The following DCUN1D5 variants were observed in gnomAD, a reference collection of about 807,000 sequenced individuals.
DCUN1D5 encodes the protein DCN1-like protein 5.
DCUN1D5 carries 10 observed loss-of-function variants against 38.3 expected under a neutral mutation model. The observed-to-expected ratio is 0.26, with a 90% CI of 0.16 to 0.44. The LOEUF (loss-of-function observed/expected upper bound fraction) is 0.44. Among genes scored for constraint, DCUN1D5 ranks in the 20% least tolerant of loss-of-function variants. DCUN1D5 has a pLI of 1.00. For synonymous variants in DCUN1D5, 93 were observed against 90.9 expected, an observed-to-expected ratio of 1.02 and a Z score of -0.13; for missense variants, 148 against 275.3, an observed-to-expected ratio of 0.54 and a Z score of 3.27.
chr11:103,081,567 T>C (rs1046107674), intron 4 of DCUN1D5, among the ~76,000 whole-genome samples: 2 of 152,172 alleles, frequency 1.3e-5, no homozygotes, highest in Non-Finnish European at 2.9e-5. Flanking sequence ...AAAGTAGGAA[T>C]ACAGTATTAG....
At position 103,064,380 on chromosome 11, in the gene DCUN1D5, G is replaced by A. The variant is rs1290712397; in HGVS notation, c.556-3C>T. The A allele has an allele frequency of 3.2e-6, 5 of 1,570,094 alleles. No individual in the cohort carries two copies. The highest frequency in any genetic ancestry group is 4.3e-6 in the Non-Finnish European group (5 of 1,157,616). ...TTCATAACACGATACTTTGATTGCTGCAAAAATGATTTAAATATTTGTATT... is the reference window on the plus strand; with the variant it reads ...TTCATAACACGATACTTTGATTGCTACAAAAATGATTTAAATATTTGTATT... On this transcript the variant is annotated splice_polypyrimidine_tract_variant and splice_region_variant and intron_variant, in intron 6 of 7. Transcript: ENST00000260247. This position sits in a 1 kb window ranked among gnomAD's most constrained non-coding sequence, Gnocchi z 4.5.
intron 4 of DCUN1D5, among the ~76,000 whole-genome samples, chr11:103,074,346 C>G (rs1445663103): frequency 2.0e-5 from 3 of 152,162 alleles, no homozygotes; most frequent in Admixed American, 6.5e-5. Context: ...CCTTAGATAT[C>G]GTAGATCACT....
At chr11:103,068,975 G>A (rs1218972370) in intron 4 of DCUN1D5, among the ~76,000 whole-genome samples, 1 of 152,166 alleles carries the variant, frequency 6.6e-6, no homozygotes, top group Non-Finnish European at 1.5e-5. Flanking sequence ...AGGTTTAAGA[G>A]AGAATGAAAA....
Position 103,064,580 on chromosome 11 carries a change from T to G in DCUN1D5, c.556-203A>C, listed in dbSNP as rs1862088952. On this transcript the variant is annotated intron_variant, in intron 6 of 7. Transcript: ENST00000260247. This position sits in a 1 kb window ranked among gnomAD's most constrained non-coding sequence, Gnocchi z 4.5. Reference sequence around the variant, plus strand: ...TATTTTTTACTTTTTTTTTCATTTTTGAGGAATAATAAGAGCACTGAGTAC... The same window carrying G: ...TATTTTTTACTTTTTTTTTCATTTTGGAGGAATAATAAGAGCACTGAGTAC... Among the ~76,000 whole-genome samples, 1 of 152,180 alleles carries G rather than the reference T, an allele frequency of 6.6e-6. No homozygotes were observed. The highest frequency in any genetic ancestry group is 2.4e-5 in the African/African-American group (1 of 41,454).
chr11:103,062,127 G>A lies in DCUN1D5; in HGVS notation c.*232C>T. 2.2e-6 allele frequency: 1 copy of A among 453,566 alleles called. No homozygotes were observed. The highest frequency in any genetic ancestry group is 3.9e-6 in the Non-Finnish European group (1 of 257,290). The allele number at this position is 453,566 out of a possible 1,614,324, so 28.1% of individuals were successfully genotyped here. A position where few individuals can be genotyped will look rare whatever the true frequency, so the allele number is the denominator to read the frequency against. On this transcript the variant is annotated 3_prime_UTR_variant, in exon 8 of 8. Coordinates refer to ENST00000260247, the MANE Select transcript of DCUN1D5 (RefSeq NM_032299.4). The surrounding 1 kb of genome is among the most constrained non-coding windows in gnomAD (Gnocchi z 4.6). ...GAATCTTTATTGTTCTGAAATAAAT[G>A]TTATAAACATAACTCAAAACAAAAA...
At chr11:103,082,397 G>A (rs1329138716) in intron 4 of DCUN1D5, among the ~76,000 whole-genome samples, 2 of 152,002 alleles carry the variant, frequency 1.3e-5, no homozygotes, top group African/African-American at 2.4e-5. Context: ...GCTGCCCAAC[G>A]AACATACTCC....
rs1413410921 is a variant in DCUN1D5, at chr11:103,057,965, A to G, written c.*4394T>C. Among the ~76,000 whole-genome samples, 1 of 152,196 alleles carries G rather than the reference A, an allele frequency of 6.6e-6. No homozygotes were observed. Among genetic ancestry groups the G allele is most frequent in the Non-Finnish European group, 1.5e-5 (1 of 68,026 alleles). ...AGAAGGATAAAACTTCTAAAAAATG[A>G]TATAATTTGGGGGAAAGCTAAGACA... On this transcript the variant is annotated 3_prime_UTR_variant, in exon 8 of 8. Transcript: ENST00000260247. The surrounding 1 kb of genome is among the most constrained non-coding windows in gnomAD (Gnocchi z 4.8).
At position 103,082,857 on chromosome 11, in the gene DCUN1D5, T is replaced by C; in HGVS notation, c.250-18A>G. ...ATAATAATCTGGAAAGAACAGAACA[T>C]AAAGGATAGGGGAAAAGTCAGCATA... On this transcript the variant is annotated intron_variant, in intron 3 of 7. Coordinates refer to ENST00000260247, the MANE Select transcript of DCUN1D5 (RefSeq NM_032299.4). 6.3e-7 allele frequency: 1 copy of C among 1,591,920 alleles called. No homozygotes were observed. The highest frequency in any genetic ancestry group is 8.6e-7 in the Non-Finnish European group (1 of 1,161,714).
chr11:103,070,147 A>C (rs1205452961), intron 4 of DCUN1D5, among the ~76,000 whole-genome samples: 1 of 152,118 alleles, frequency 6.6e-6, no homozygotes, highest in Non-Finnish European at 1.5e-5. Flanking sequence ...AAAGAAATAT[A>C]AGATACAAAA....
In DCUN1D5 at chr11:103,090,615, T is replaced by TA. The variant is rs1862834160; in HGVS notation, c.86+1171dup. 3.3e-5 allele frequency among the ~76,000 whole-genome samples: 5 copies of TA among 152,266 alleles called. No homozygotes were observed. In the South Asian group the frequency reaches 1.0e-3, roughly 32 times the overall value. On this transcript the variant is annotated intron_variant, in intron 1 of 7. Coordinates refer to ENST00000260247, the MANE Select transcript of DCUN1D5 (RefSeq NM_032299.4). ...AAAGGCAGCTAATATGGTTATTTTTTAAAAAAGCATTTCTCAGTCGGGCGA... is the reference window on the plus strand; with the variant it reads ...AAAGGCAGCTAATATGGTTATTTTTTAAAAAAAGCATTTCTCAGTCGGGCGA...
rs761343752 is a variant in DCUN1D5, at chr11:103,091,696, CCAGCCCGGCAGG to C, written c.86+79_86+90del. 1.2e-6 allele frequency: 2 copies of C among 1,610,354 alleles called. No homozygotes were observed. Among genetic ancestry groups the C allele is most frequent in the Admixed American group, 3.3e-5 (2 of 59,724 alleles). The stretch of plus-strand genomic sequence containing the variant: ...AAAGGGGCCTCACCTGTCTCCAGCC[CCAGCCCGGCAGG>C]CCGGGCCCGACTCCTTTTCCTCCAG... On this transcript the variant is annotated intron_variant, in intron 1 of 7. Coordinates refer to ENST00000260247, the MANE Select transcript of DCUN1D5 (RefSeq NM_032299.4). This position sits in a 1 kb window ranked among gnomAD's most constrained non-coding sequence, Gnocchi z 4.3.
chr11:103,079,857 A>C (rs1210576382), intron 4 of DCUN1D5: 2 of 152,216 alleles, frequency 1.3e-5, no homozygotes, highest in East Asian at 1.9e-4. Flanking sequence ...TGAAAACTAC[A>C]TGGAAGAATA....
At chr11:103,067,973 G>A (rs1049263705) in intron 4 of DCUN1D5, among the ~76,000 whole-genome samples, 4 of 152,122 alleles carry the variant, frequency 2.6e-5, no homozygotes, top group African/African-American at 9.7e-5. Flanking sequence ...ACTCAGGTGA[G>A]TATTGAGGGA....
chr11:103,054,183 A>G lies in DCUN1D5; in HGVS notation c.*8176T>C, dbSNP rs1019274549. Reference sequence around the variant, plus strand: ...GTCTCCTGTTTACTCCAATGACTAAAAAAGGCTTGACCTCCCACTCTCTAT... The same window carrying G: ...GTCTCCTGTTTACTCCAATGACTAAGAAAGGCTTGACCTCCCACTCTCTAT... On this transcript the variant is annotated 3_prime_UTR_variant, in exon 8 of 8. Transcript: ENST00000260247. 2 of 152,100 alleles carry G rather than the reference A, an allele frequency of 1.3e-5. No individual in the cohort carries two copies. The highest frequency in any genetic ancestry group is 2.9e-5 in the Non-Finnish European group (2 of 67,992). 9.4% of individuals were successfully genotyped at this position (152,100 alleles called of 1,614,324 possible).
chr11:103,082,663 T>C lies in DCUN1D5; in HGVS notation c.341+85A>G, dbSNP rs923886896. The C allele has an allele frequency of 7.9e-6, 7 of 890,522 alleles. No homozygotes were observed. In the African/African-American group the frequency reaches 1.0e-4, roughly 13 times the overall value. 55.2% of individuals were successfully genotyped at this position (890,522 alleles called of 1,614,324 possible). A position where few individuals can be genotyped will look rare whatever the true frequency, so the allele number is the denominator to read the frequency against. ...AACAGATTTGATTTAAGGTGAAACC[T>C]TACTCCTGAAAATTATGAAGCACAA... On this transcript the variant is annotated intron_variant, in intron 4 of 7. Transcript: ENST00000260247.
At position 103,063,109 on chromosome 11, in the gene DCUN1D5, T is replaced by C. The variant is rs953910741; in HGVS notation, c.659-695A>G. Reference sequence around the variant, plus strand: ...TTCCATTGCTTTTGACAGACATGTTTCTCTATCGTAAGAAAAGCAGCAGAG... The same window carrying C: ...TTCCATTGCTTTTGACAGACATGTTCCTCTATCGTAAGAAAAGCAGCAGAG... On this transcript the variant is annotated intron_variant, in intron 7 of 7. Coordinates refer to ENST00000260247, the MANE Select transcript of DCUN1D5 (RefSeq NM_032299.4). The surrounding 1 kb of genome is among the most constrained non-coding windows in gnomAD (Gnocchi z 4.6). 1.1e-4 allele frequency among the ~76,000 whole-genome samples: 17 copies of C among 152,108 alleles called. No individual in the cohort carries two copies. The highest frequency in any genetic ancestry group is 1.9e-4 in the Non-Finnish European group (13 of 67,970).
chr11:103,072,762 G>GT (rs1159988272), intron 4 of DCUN1D5, among the ~76,000 whole-genome samples: 1 of 136,178 alleles, frequency 7.3e-6, no homozygotes, highest in Non-Finnish European at 1.6e-5. Context: ...GCCTGTCGGG[G>GT]GGTGGGGGGA....
chr11:103,085,135 G>A (rs556423083), intron 2 of DCUN1D5, among the ~76,000 whole-genome samples: 4 of 152,208 alleles, frequency 2.6e-5, no homozygotes, highest in African/African-American at 9.6e-5. Flanking sequence ...AAGCTTTAGA[G>A]GATGTCTAGA....
At chr11:103,079,570 A>C (rs1862501237) in intron 4 of DCUN1D5, among the ~76,000 whole-genome samples, 1 of 151,914 alleles carries the variant, frequency 6.6e-6, no homozygotes, top group Non-Finnish European at 1.5e-5. Context: ...CTGGAGCATC[A>C]CTTGAGCCCA....
Sources: gnomAD v4.1 joint callset for allele counts (sites outside exome capture counted in the v4.1 genomes callset) on GRCh38, gnomAD v4.1.1 for gene constraint, Gnocchi (gnomAD v3.1) non-coding constraint, MANE v1.5 for transcripts, NCBI Gene and HGNC (gene_info 2026-07-23, HGNC 2026-07-21) for gene names.